Variants in CDH18 observed in about 807,000 individuals in gnomAD.
CDH18 encodes the protein cadherin-18.
Under a neutral mutation model 67.9 loss-of-function variants are expected in CDH18, and 31 were observed. That is an observed-to-expected ratio of 0.46 (90% CI 0.34 to 0.62). The LOEUF is 0.62. Among genes scored for constraint, CDH18 ranks in the 20% least tolerant of loss-of-function variants. The pLI, the probability that CDH18 is intolerant of heterozygous loss-of-function variation, is 0.01. For synonymous variants in CDH18, 362 were observed against 347.2 expected (o/e 1.04, Z -0.48); for missense variants, 890 against 975.5 (o/e 0.91, Z 1.17).
intron 5 of CDH18, among the ~76,000 whole-genome samples, chr5:19,622,478 C>A (rs188486014): frequency 1.3e-5 from 2 of 152,138 alleles, no homozygotes; most frequent in African/African-American, 2.4e-5. Context: ...TGACAATAGT[C>A]CCATCAGTCA....
chr5:20,110,985 A>G (rs894246859), intron 2 of CDH18, among the ~76,000 whole-genome samples: 1 of 152,188 alleles, frequency 6.6e-6, no homozygotes, highest in African/African-American at 2.4e-5. Flanking sequence ...AGGATAAAAG[A>G]TTCCTATTCT....
At chr5:19,846,216 C>A (rs187009870) in intron 2 of CDH18, among the ~76,000 whole-genome samples, 1 of 151,874 alleles carries the variant, frequency 6.6e-6, no homozygotes. Context: ...CTTACAGAAA[C>A]CTTCTTATAG....
intron 11 of CDH18, among the ~76,000 whole-genome samples, chr5:19,494,383 G>A (rs892305839): frequency 6.6e-5 from 10 of 152,042 alleles, no homozygotes; most frequent in Admixed American, 4.6e-4. Context: ...CAGAGATCCC[G>A]TAAACATAAG....
chr5:19,921,938 T>C (rs112677253), intron 2 of CDH18, among the ~76,000 whole-genome samples: 3 of 152,156 alleles, frequency 2.0e-5, no homozygotes, highest in African/African-American at 7.2e-5. Context: ...TAAAGGATTC[T>C]AAATCGAAAA....
chr5:19,812,295 T>C (rs563977780), intron 3 of CDH18, among the ~76,000 whole-genome samples: 1 of 152,228 alleles, frequency 6.6e-6, no homozygotes, highest in East Asian at 1.9e-4. Context: ...TTAAATATGT[T>C]AGAAATGTAA....
At chr5:19,768,518 T>C (rs1458588700) in intron 3 of CDH18, among the ~76,000 whole-genome samples, 1 of 151,716 alleles carries the variant, frequency 6.6e-6, no homozygotes, top group Non-Finnish European at 1.5e-5. Flanking sequence ...AAAGGTGGAG[T>C]TGTAAACTTT....
intron 3 of CDH18, among the ~76,000 whole-genome samples, chr5:19,774,426 T>TAAAATAAAATAAAA (rs146014082): frequency 4.3e-5 from 6 of 139,390 alleles, no homozygotes; most frequent in Non-Finnish European, 3.1e-5. Flanking sequence ...TAAAATAAAA[T>TAAAATAAAATAAAA]TAAAATAAAA....
In CDH18 at chr5:19,983,011, C is replaced by T. The variant is rs1456687799; in HGVS notation, c.-375-1833G>A. On this transcript the variant is annotated intron_variant, in intron 1 of 12. Transcript: ENST00000382275. ...GTGCGCCACTGTCGTCCAGCCTGGG[C>T]GACAGAGCAAGACTCCATCTCGAAA... 3.5e-3 allele frequency among the ~76,000 whole-genome samples: 255 copies of T among 71,834 alleles called. 2 individuals carry two copies. Among genetic ancestry groups the T allele is most frequent in the African/African-American group, 8.5e-3 (239 of 27,992 alleles). 47.1% of individuals were successfully genotyped at this position (71,834 alleles called of 152,430 possible).
intron 5 of CDH18, among the ~76,000 whole-genome samples, chr5:19,641,805 A>T (rs566914818): frequency 6.6e-6 from 1 of 152,092 alleles, no homozygotes; most frequent in East Asian, 1.9e-4. Flanking sequence ...TCAACTTAGT[A>T]CTTGAAGTCC....
At chr5:20,532,913 A>C (rs1438521627) in intron 1 of CDH18, among the ~76,000 whole-genome samples, 1 of 148,800 alleles carries the variant, frequency 6.7e-6, no homozygotes, top group African/African-American at 2.4e-5. Flanking sequence ...TTCACTAAAA[A>C]CCTGAAACTC....
At chr5:19,722,493 A>G (rs1404957141) in intron 4 of CDH18, among the ~76,000 whole-genome samples, 2 of 150,550 alleles carry the variant, frequency 1.3e-5, no homozygotes, top group African/African-American at 4.9e-5. Flanking sequence ...TAATAAAATT[A>G]TTGAATCTAG....
chr5:19,484,274 T>C (rs1025690186), intron 11 of CDH18, among the ~76,000 whole-genome samples: 8 of 152,204 alleles, frequency 5.3e-5, no homozygotes, highest in Non-Finnish European at 7.3e-5. Flanking sequence ...ATTTTTGTTA[T>C]AAATACTAAT....
chr5:19,728,050 T>C (rs540772114), intron 4 of CDH18, among the ~76,000 whole-genome samples: 110 of 152,282 alleles, frequency 7.2e-4, no homozygotes, highest in African/African-American at 2.5e-3. Context: ...AAAAAAATTA[T>C]TACCCTCTAC....
chr5:19,786,757 T>C (rs1050087751), intron 3 of CDH18, among the ~76,000 whole-genome samples: 1 of 152,136 alleles, frequency 6.6e-6, no homozygotes, highest in South Asian at 2.1e-4. Context: ...GAGAAAATCC[T>C]AGAATCTTAG....
chr5:20,141,337 G>T (rs188055491), intron 2 of CDH18, among the ~76,000 whole-genome samples: 75 of 152,242 alleles, frequency 4.9e-4, no homozygotes, highest in Middle Eastern at 3.4e-3. Flanking sequence ...AGAGTAGGAA[G>T]GATAATAGTA....
At chr5:20,354,510 G>A (rs898942742) in intron 1 of CDH18, among the ~76,000 whole-genome samples, 6 of 152,014 alleles carry the variant, frequency 3.9e-5, no homozygotes, top group Non-Finnish European at 7.4e-5. Flanking sequence ...CACCTTCTGG[G>A]CTCACACGAT....
At chr5:19,507,855 T>C (rs1325472115) in intron 10 of CDH18, among the ~76,000 whole-genome samples, 1 of 152,050 alleles carries the variant, frequency 6.6e-6, no homozygotes, top group East Asian at 1.9e-4. Flanking sequence ...TGTATACATA[T>C]GTAACCAACC....
At position 20,487,522 on chromosome 5, in the gene CDH18, TATATC is replaced by T. The variant is rs1392387615; in HGVS notation, c.-580+87935_-580+87939del. 2.5e-4 allele frequency among the ~76,000 whole-genome samples: 37 copies of T among 150,998 alleles called. 1 individual carries two copies. The highest frequency in any genetic ancestry group is 7.0e-4 in the African/African-American group (29 of 41,336). ...TAAATACAAAATATATGTATATACATATATCTATCTATTTCAGGTACAACTTATTA... is the reference window on the plus strand; with the variant it reads ...TAAATACAAAATATATGTATATACATTATCTATTTCAGGTACAACTTATTA... On this transcript the variant is annotated intron_variant, in intron 1 of 14. Transcript: ENST00000507958.
chr5:20,214,547 T>C (rs1740607889), intron 2 of CDH18, among the ~76,000 whole-genome samples: 1 of 151,930 alleles, frequency 6.6e-6, no homozygotes, highest in Admixed American at 6.6e-5. Context: ...CCTACAACTG[T>C]CTGATTTTCA....
Sources: allele counts gnomAD v4.1 joint callset (sites outside exome capture counted in the v4.1 genomes callset), GRCh38; gene constraint gnomAD v4.1.1; transcripts MANE v1.5; gene names NCBI Gene and HGNC (gene_info 2026-07-23, HGNC 2026-07-21).